The following SGO1 variants were observed in gnomAD, a reference collection of about 807,000 sequenced individuals.
SGO1 encodes serologically defined breast cancer antigen NY-BR-85.
Under a neutral mutation model 50.5 loss-of-function variants are expected in SGO1, and 39 were observed. The ratio of observed to expected loss-of-function variants is 0.77; its 90% confidence interval spans 0.60 to 1.01. The LOEUF is 1.01. Among genes scored for constraint, SGO1 ranks in the 50% least tolerant of loss-of-function variants. The probability of loss-of-function intolerance (pLI) is 0.00; values close to 1 mark genes in which losing one functional copy is unlikely to be tolerated. For missense variants in SGO1, 638 were observed against 606.0 expected, an observed-to-expected ratio of 1.05 and a Z score of -0.55; for synonymous variants, 191 against 205.1, an observed-to-expected ratio of 0.93 and a Z score of 0.59.
chr3:20,175,795 C>CA (rs56284216), intron 5 of SGO1, among the ~76,000 whole-genome samples: 14,926 of 136,640 alleles, frequency 0.11, 1,124 homozygotes, highest in African/African-American at 0.22. Flanking sequence ...GCAAGACTGT[C>CA]AAAAAAAAAA....
chr3:20,160,909 C>A, exon 9 of SGO1: 1 of 656,724 alleles, frequency 1.5e-6, no homozygotes, highest in Non-Finnish European at 2.4e-6. Context: ...GTACTGATTC[C>A]TCGGTCACCC....
rs1305807068 is a variant in SGO1, at chr3:20,169,519, A to C, written c.*1185T>G. The C allele has an allele frequency of 3.1e-6, 3 of 981,214 alleles. No individual in the cohort carries two copies. The highest frequency in any genetic ancestry group is 1.1e-4 in the East Asian group (1 of 8,808). The allele number at this position is 981,214 out of a possible 1,614,324, so 60.8% of individuals were successfully genotyped here. On this transcript the variant is annotated 3_prime_UTR_variant, in exon 8 of 8. Coordinates refer to ENST00000412997, the MANE Select transcript of SGO1 (RefSeq NM_001199251.3). Reference sequence around the variant, plus strand: ...AAACTTTATTGCTCTTTAAAAATGAATAACCTACAAAGTTCTAAAATTTAA... The same window carrying C: ...AAACTTTATTGCTCTTTAAAAATGACTAACCTACAAAGTTCTAAAATTTAA...
chr3:20,167,812 G>C (rs1003671610), downstream of SGO1, among the ~76,000 whole-genome samples: 1 of 152,108 alleles, frequency 6.6e-6, no homozygotes, highest in African/African-American at 2.4e-5. Context: ...CTACAACCAA[G>C]CAACTCCACT....
At chr3:20,169,448 T>G (rs972693249), downstream of SGO1, 2 of 983,696 alleles carry the variant, frequency 2.0e-6, no homozygotes, top group Non-Finnish European at 2.4e-6. Context: ...AGATACTCTA[T>G]TTTTGATATT....
chr3:20,177,784 C>T (rs1395704384), intron 4 of SGO1, among the ~76,000 whole-genome samples: 2 of 152,112 alleles, frequency 1.3e-5, no homozygotes, highest in African/African-American at 4.8e-5. Flanking sequence ...AAACAAAGTA[C>T]ATTTGATCCA....
At chr3:20,182,041 C>G (rs1048589777) in intron 3 of SGO1, among the ~76,000 whole-genome samples, 2 of 151,800 alleles carry the variant, frequency 1.3e-5, no homozygotes, top group Admixed American at 6.6e-5. Flanking sequence ...TGAGATTGCA[C>G]CACTGTACTC....
intron 8 of SGO1, among the ~76,000 whole-genome samples, chr3:20,161,545 A>G (rs905466223): frequency 2.6e-5 from 4 of 152,156 alleles, no homozygotes; most frequent in African/African-American, 9.7e-5. Flanking sequence ...AAAATATGAA[A>G]AAGGAGTTAA....
At chr3:20,174,172 AAGT>A in intron 6 of SGO1, 74 bp downstream of exon 6, 1 of 1,115,318 alleles carries the variant, frequency 9.0e-7, no homozygotes, top group Non-Finnish European at 1.3e-6. Context: ...AACAGATGGT[AAGT>A]ATAGTATATA....
In SGO1 at chr3:20,174,992, G is replaced by T; in HGVS notation, c.539C>A (p.Ser180Tyr). 1 of 1,603,000 alleles carries T rather than the reference G, an allele frequency of 6.2e-7. No homozygotes were observed. Among genetic ancestry groups the T allele is most frequent in the South Asian group, 1.1e-5 (1 of 89,054 alleles). The change falls in exon 6 of 8, where the codon TCT becomes TAT. Residue 180 changes from serine (S) to tyrosine (Y), a missense_variant. Ser to Tyr is a moderately radical substitution (Grantham distance 144, BLOSUM62 -2). Coordinates refer to ENST00000412997, the MANE Select transcript of SGO1 (RefSeq NM_001199251.3). ...GVDFDSGEAK[S>Y]TDNVLPRTVS... is the part of the protein sequence containing the mutation. ...AGTTCTAGGTAAGACATTATCAGTA[G>T]ACTTAGCTTCACCTGAATCAAAATC...
At chr3:20,174,032 T>A (rs1342103306) in intron 6 of SGO1, among the ~76,000 whole-genome samples, 2 of 152,178 alleles carry the variant, frequency 1.3e-5, no homozygotes, top group African/African-American at 2.4e-5. Flanking sequence ...TCTGTCTCCA[T>A]AACAAGCAAT....
At chr3:20,175,655 C>T (rs1345552495) in intron 5 of SGO1, among the ~76,000 whole-genome samples, 1 of 151,638 alleles carries the variant, frequency 6.6e-6, no homozygotes, top group South Asian at 2.1e-4. Flanking sequence ...AAAAATTAGC[C>T]AGGCGTGGTG....
At chr3:20,166,869 AAAAATT>A (rs1700333631), downstream of SGO1, among the ~76,000 whole-genome samples, 2 of 150,322 alleles carry the variant, frequency 1.3e-5, no homozygotes, top group African/African-American at 4.9e-5. Flanking sequence ...AAAAAAAAAA[AAAAATT>A]AGCCAGGTGC....
Position 20,176,685 on chromosome 3 carries a change from A to G in SGO1, c.417-26T>C, listed in dbSNP as rs759323152. The G allele has an allele frequency of 4.8e-6, 7 of 1,447,106 alleles. No homozygotes were observed. The Admixed American group carries it at 1.6e-4, about 33-fold the overall frequency. The allele number at this position is 1,447,106 out of a possible 1,614,324, so 89.6% of individuals were successfully genotyped here. A position where few individuals can be genotyped will look rare whatever the true frequency, so the allele number is the denominator to read the frequency against. On this transcript the variant is annotated intron_variant, in intron 4 of 7. Transcript: ENST00000412997. ...CTTAGAAAATACCAATGAAAAACAG[A>G]AATTTAACAATTATGTAATAAAAAC...
Position 20,174,491 on chromosome 3 carries a change from GGAGTAA to G in SGO1, c.1034_1039del (p.Leu345_Thr346del). The G allele has an allele frequency of 3.1e-6, 5 of 1,614,096 alleles. No homozygotes were observed. The highest frequency in any genetic ancestry group is 4.2e-6 in the Non-Finnish European group (5 of 1,179,996). On this transcript the variant is annotated inframe_deletion, in exon 6 of 8. Transcript: ENST00000412997. Reference sequence around the variant, plus strand: ...GTCATTGCTCACTTTTTGTCGGAAAGGAGTAAGATGAACACCCTCTTCCAAATTAAA... The same window carrying G: ...GTCATTGCTCACTTTTTGTCGGAAAGGATGAACACCCTCTTCCAAATTAAA...
chr3:20,161,079 T>A, exon 9 of SGO1: 1 of 1,612,020 alleles, frequency 6.2e-7, no homozygotes, highest in Non-Finnish European at 8.5e-7. Flanking sequence ...TAAAAAAGTT[T>A]TCTAAGGATG....
chr3:20,174,378 T>G lies in SGO1; in HGVS notation c.1153A>C (p.Thr385Pro). 6.2e-7 allele frequency: 1 copy of G among 1,614,134 alleles called. No individual in the cohort carries two copies. Among genetic ancestry groups the G allele is most frequent in the Non-Finnish European group, 8.5e-7 (1 of 1,180,008 alleles). Residue 385 changes from threonine to proline, a missense_variant, in exon 6 of 8, where the codon ACT becomes CCT. Coordinates refer to ENST00000412997, the MANE Select transcript of SGO1 (RefSeq NM_001199251.3). ...GTGGGATTCTGAATGTACTTGCAAG[T>G]GGGCAAATAGAGGTCATCGGAATCA... The part of the protein sequence containing the change: ...GDDSDDLYLP[T>P]CKYIQNPTSN...
At position 20,171,124 on chromosome 3, in the gene SGO1, T is replaced by C; in HGVS notation, c.1391A>G (p.Lys464Arg). The C allele has an allele frequency of 6.2e-7, 1 of 1,613,270 alleles. No individual in the cohort carries two copies. The highest frequency in any genetic ancestry group is 8.5e-7 in the Non-Finnish European group (1 of 1,179,720). Residue 464 changes from lysine (K) to arginine (R), a missense_variant, in exon 7 of 8, where the codon AAG becomes AGG. Transcript: ENST00000412997. ...AGCCACTGCTGGGCTTGCTTTATTC[T>C]TTTTTGGAGAAAGAGAAAGTCTTCT... is the stretch of plus-strand genomic sequence containing the variant. ...KIRRLSLSPKKNKASPAVALP... is the reference protein window; with the variant it reads ...KIRRLSLSPKRNKASPAVALP...
At chr3:20,168,884 T>C (rs574730135), downstream of SGO1, 18 of 937,422 alleles carry the variant, frequency 1.9e-5, 1 homozygote, top group Middle Eastern at 5.5e-4. Flanking sequence ...CTGCCCGCCT[T>C]GGCCTCCCAA....
At chr3:20,173,950 T>C (rs1701064936) in intron 6 of SGO1, among the ~76,000 whole-genome samples, 1 of 152,204 alleles carries the variant, frequency 6.6e-6, no homozygotes, top group Non-Finnish European at 1.5e-5. Flanking sequence ...TAAAAGCTAC[T>C]TCAATTCAAC....
Sources: allele counts gnomAD v4.1 joint callset (sites outside exome capture counted in the v4.1 genomes callset), GRCh38; gene constraint gnomAD v4.1.1; transcripts MANE v1.5; gene names NCBI Gene and HGNC (gene_info 2026-07-23, HGNC 2026-07-21).